Variants in IFFO2 observed in about 807,000 individuals in gnomAD.
The protein encoded by IFFO2 is intermediate filament family orphan 2.
IFFO2 carries 19 observed loss-of-function variants against 53.5 expected under a neutral mutation model. The ratio of observed to expected loss-of-function variants is 0.36; its 90% confidence interval spans 0.25 to 0.52. The LOEUF is 0.52. IFFO2 is among the 20% of genes least tolerant of loss of function. IFFO2 has a pLI of 0.94. For synonymous variants in IFFO2, 303 were observed against 313.6 expected (o/e 0.97, Z 0.36); for missense variants, 570 against 727.4 (o/e 0.78, Z 2.49).
chr1:18,929,104 A>C (rs1362266261), intron 1 of IFFO2, among the ~76,000 whole-genome samples: 1 of 152,228 alleles, frequency 6.6e-6, no homozygotes, highest in Non-Finnish European at 1.5e-5. Flanking sequence ...CAAAGGTTGT[A>C]GGCAATTCTG....
In IFFO2 at chr1:18,947,622, T is replaced by C. The variant is rs1225831255; in HGVS notation, c.665+8046A>G. On this transcript the variant is annotated intron_variant, in intron 1 of 8. Transcript: ENST00000455833. The surrounding 1 kb of genome is among the most constrained non-coding windows in gnomAD (Gnocchi z 5.0). ...CGCGTGGAAATCACCAGACGGGTCA[T>C]AATATGTGTTCCCTGTTCCCCAACT... Among the ~76,000 whole-genome samples, 1 of 152,050 alleles carries C rather than the reference T, an allele frequency of 6.6e-6. No homozygotes were observed.
At chr1:18,914,224 G>A (rs1409178261) in intron 5 of IFFO2, among the ~76,000 whole-genome samples, 1 of 152,212 alleles carries the variant, frequency 6.6e-6, no homozygotes, top group African/African-American at 2.4e-5. Flanking sequence ...GCCCACTCCT[G>A]CAGCCAGTCT....
intron 1 of IFFO2, among the ~76,000 whole-genome samples, chr1:18,921,823 C>T (rs1936219051): frequency 6.6e-6 from 1 of 152,130 alleles, no homozygotes; most frequent in African/African-American, 2.4e-5. Flanking sequence ...ACTACTTTGA[C>T]ACGAGTACTG....
At chr1:18,913,862 T>TCG (rs1936086249) in intron 5 of IFFO2, among the ~76,000 whole-genome samples, 1 of 152,184 alleles carries the variant, frequency 6.6e-6, no homozygotes, top group African/African-American at 2.4e-5. Flanking sequence ...AGACGGAGTC[T>TCG]CGCTGTCGCC....
chr1:18,944,071 G>A (rs1034622267), intron 1 of IFFO2, among the ~76,000 whole-genome samples: 4 of 152,204 alleles, frequency 2.6e-5, no homozygotes, highest in African/African-American at 4.8e-5. Context: ...CCTGGGTTCC[G>A]GCCCCTGCTC....
chr1:18,913,266 A>C (rs912763630), intron 5 of IFFO2, among the ~76,000 whole-genome samples: 1 of 152,230 alleles, frequency 6.6e-6, no homozygotes, highest in Admixed American at 6.5e-5. Flanking sequence ...ACAGGAGCCC[A>C]TAGGTGGCTC....
At chr1:18,943,534 T>C (rs1275771681) in intron 1 of IFFO2, among the ~76,000 whole-genome samples, 1 of 152,162 alleles carries the variant, frequency 6.6e-6, no homozygotes. Flanking sequence ...CTAGGCAAAG[T>C]TCTCAAGACT....
chr1:18,927,321 TGAGCTCAGGTGAGGCTGGGCTGGA>T (rs372402986), intron 1 of IFFO2, among the ~76,000 whole-genome samples: 6,596 of 152,278 alleles, frequency 0.043, 182 homozygotes, highest in Middle Eastern at 0.068. Flanking sequence ...TGAAGGGAAA[TGAGCTCAGGTGAGGCTGGGCTGGA>T]GCCCTCAGTG....
intron 1 of IFFO2, among the ~76,000 whole-genome samples, chr1:18,939,987 CA>C (rs1004065645): frequency 1.3e-5 from 2 of 152,192 alleles, no homozygotes; most frequent in Non-Finnish European, 2.9e-5. Context: ...GAAAAGAAGC[CA>C]GTGTCCAGTA....
At chr1:18,933,263 G>A (rs1569854217) in intron 1 of IFFO2, among the ~76,000 whole-genome samples, 1 of 152,238 alleles carries the variant, frequency 6.6e-6, no homozygotes, top group African/African-American at 2.4e-5. Flanking sequence ...AGCAGGGATG[G>A]AAGGGAATGC....
intron 1 of IFFO2, among the ~76,000 whole-genome samples, chr1:18,926,094 A>T (rs371071222): frequency 1.1e-4 from 11 of 99,588 alleles, no homozygotes; most frequent in African/African-American, 2.8e-4. Flanking sequence ...GGATGGATGG[A>T]TGGATGGATT....
At chr1:18,952,808 T>TC (rs1380622834) in intron 1 of IFFO2, among the ~76,000 whole-genome samples, 1 of 152,210 alleles carries the variant, frequency 6.6e-6, no homozygotes, top group African/African-American at 2.4e-5. Flanking sequence ...AATTTACTCA[T>TC]CTTGACTTGT....
At position 18,928,305 on chromosome 1, in the gene IFFO2, C is replaced by T. The variant is rs1203199138; in HGVS notation, c.666-7184G>A. On this transcript the variant is annotated intron_variant, in intron 1 of 8. Coordinates refer to ENST00000455833, the MANE Select transcript of IFFO2 (RefSeq NM_001136265.2). The surrounding 1 kb of genome is among the most constrained non-coding windows in gnomAD (Gnocchi z 4.9). ...TCTCGCAGACGTGCCCATCAGAGCC[C>T]GGCTGCCCAGCTGTACTCTCCAGCT... Among the ~76,000 whole-genome samples the T allele has an allele frequency of 6.6e-6, 1 of 152,214 alleles. No individual in the cohort carries two copies. Among genetic ancestry groups the T allele is most frequent in the Admixed American group, 6.5e-5 (1 of 15,284 alleles).
chr1:18,943,198 T>C (rs1226654298), intron 1 of IFFO2, among the ~76,000 whole-genome samples: 1 of 151,856 alleles, frequency 6.6e-6, no homozygotes, highest in African/African-American at 2.4e-5. Flanking sequence ...GAGACCCCTA[T>C]CTCAACAAAA....
At position 18,947,017 on chromosome 1, in the gene IFFO2, C is replaced by T. The variant is rs939456418; in HGVS notation, c.665+8651G>A. 1.3e-5 allele frequency among the ~76,000 whole-genome samples: 2 copies of T among 152,248 alleles called. No homozygotes were observed. Among genetic ancestry groups the T allele is most frequent in the Admixed American group, 6.5e-5 (1 of 15,286 alleles). ...CATGATGCTGCCACATGGCATGACACATTTGTCTATGTCCCCAGATTCTGA... is the reference window on the plus strand; with the variant it reads ...CATGATGCTGCCACATGGCATGACATATTTGTCTATGTCCCCAGATTCTGA... On this transcript the variant is annotated intron_variant, in intron 1 of 8. Transcript: ENST00000455833. The surrounding 1 kb of genome is among the most constrained non-coding windows in gnomAD (Gnocchi z 5.0).
rs867810559 is a variant in IFFO2 at position 18,936,955 on chromosome 1, C to A, written c.666-15834G>T. Among the ~76,000 whole-genome samples the A allele has an allele frequency of 6.5e-3, 896 of 137,152 alleles. No homozygotes were observed. The highest frequency in any genetic ancestry group is 7.9e-3 in the Non-Finnish European group (503 of 63,598). The allele number at this position is 137,152 out of a possible 152,430, so 90.0% of individuals were successfully genotyped here. On this transcript the variant is annotated intron_variant, in intron 1 of 8. Coordinates refer to ENST00000455833, the MANE Select transcript of IFFO2 (RefSeq NM_001136265.2). This position sits in a 1 kb window ranked among gnomAD's most constrained non-coding sequence, Gnocchi z 4.5. ...AAACACAAACTGGCTGCAGGTGGGGCAAAAAAAAAAAAAAAGCACAGAACA... is the reference window on the plus strand; with the variant it reads ...AAACACAAACTGGCTGCAGGTGGGGAAAAAAAAAAAAAAAAGCACAGAACA...
chr1:18,909,245 C>T (rs1465165782), intron 8 of IFFO2, among the ~76,000 whole-genome samples: 1 of 152,168 alleles, frequency 6.6e-6, no homozygotes, highest in Non-Finnish European at 1.5e-5. Flanking sequence ...CCCTCTCGTA[C>T]AGTAATGCAG....
At chr1:18,940,713 C>G (rs1003107119) in intron 1 of IFFO2, among the ~76,000 whole-genome samples, 1 of 152,158 alleles carries the variant, frequency 6.6e-6, no homozygotes, top group African/African-American at 2.4e-5. Flanking sequence ...CTCTTTACAC[C>G]TGCCCACAAG....
chr1:18,923,571 C>A (rs916169481), intron 1 of IFFO2, among the ~76,000 whole-genome samples: 3 of 152,190 alleles, frequency 2.0e-5, no homozygotes, highest in Admixed American at 1.3e-4. Context: ...GAATTATTAA[C>A]CCTCTTGGGG....
Sources: gnomAD v4.1 joint callset for allele counts (sites outside exome capture counted in the v4.1 genomes callset) on GRCh38, gnomAD v4.1.1 for gene constraint, Gnocchi (gnomAD v3.1) non-coding constraint, MANE v1.5 for transcripts, NCBI Gene and HGNC (gene_info 2026-07-23, HGNC 2026-07-21) for gene names.